The following WDR43 variants were observed in gnomAD, a reference collection of about 807,000 sequenced individuals.
WDR43 encodes the protein WD repeat domain 43, also known as WD repeat-containing protein 43.
In WDR43, 13 loss-of-function variants were observed where a neutral mutation model predicts 91.4. The observed-to-expected ratio is 0.14, with a 90% CI of 0.09 to 0.23. The LOEUF (loss-of-function observed/expected upper bound fraction) is 0.23. Among genes scored for constraint, WDR43 ranks in the 10% least tolerant of loss-of-function variants. WDR43 has a pLI of 1.00. For synonymous variants in WDR43, 331 were observed against 287.9 expected (o/e 1.15, Z -1.51); for missense variants, 780 against 809.4 (o/e 0.96, Z 0.44).
intron 16 of WDR43, among the ~76,000 whole-genome samples, chr2:28,942,587 G>A (rs1424674162): frequency 6.6e-6 from 1 of 151,608 alleles, no homozygotes; most frequent in East Asian, 1.9e-4. Context: ...ACAAAAAAGG[G>A]CATTAGTTAT....
intron 7 of WDR43, among the ~76,000 whole-genome samples, chr2:28,924,115 G>A (rs1456662659): frequency 6.6e-6 from 1 of 152,184 alleles, no homozygotes; most frequent in Non-Finnish European, 1.5e-5. Context: ...GTAATAAGAT[G>A]CGTAGGGTGT....
chr2:28,898,060 A>G (rs1670513510), intron 1 of WDR43, among the ~76,000 whole-genome samples: 2 of 152,216 alleles, frequency 1.3e-5, no homozygotes, highest in African/African-American at 4.8e-5. Context: ...TACCAAAGCC[A>G]CATAGTAAAG....
intron 16 of WDR43, among the ~76,000 whole-genome samples, chr2:28,943,537 C>T (rs1029314700): frequency 3.3e-5 from 5 of 152,114 alleles, no homozygotes; most frequent in African/African-American, 9.7e-5. Context: ...TTAGATCATC[C>T]TCAAATACCC....
chr2:28,907,647 T>G (rs983649186), intron 3 of WDR43, among the ~76,000 whole-genome samples: 2 of 151,344 alleles, frequency 1.3e-5, no homozygotes, highest in Non-Finnish European at 2.9e-5. Context: ...GGCTCACGCC[T>G]GTAATCCCAG....
intron 3 of WDR43, among the ~76,000 whole-genome samples, chr2:28,908,474 G>A (rs1670726708): frequency 6.6e-6 from 1 of 152,140 alleles, no homozygotes; most frequent in South Asian, 2.1e-4. Flanking sequence ...AGTAGGTCTG[G>A]GGTAGGGCCT....
In WDR43 at chr2:28,909,128, G is replaced by T. The variant is rs191417235; in HGVS notation, c.485+2547G>T. On this transcript the variant is annotated intron_variant, in intron 3 of 17. Transcript: ENST00000407426. The stretch of plus-strand genomic sequence containing the variant: ...TTCTGCTGAATGATGATTATCCCGA[G>T]ATTTTTTTTCTTTTCTTTCTTTTTC... Among the ~76,000 whole-genome samples the T allele has an allele frequency of 2.0e-5, 3 of 152,038 alleles. No homozygotes were observed. The East Asian group carries it at 5.8e-4, about 29-fold the overall frequency.
intron 3 of WDR43, among the ~76,000 whole-genome samples, chr2:28,908,517 G>A (rs1670727348): frequency 6.6e-6 from 1 of 152,164 alleles, no homozygotes; most frequent in South Asian, 2.1e-4. Flanking sequence ...AGGTCACAAA[G>A]ATAGGTCCTT....
intron 1 of WDR43, 177 bp downstream of exon 1, chr2:28,895,100 G>T: frequency 1.8e-6 from 1 of 548,486 alleles, no homozygotes; most frequent in Non-Finnish European, 2.7e-6. Context: ...GCGGCCTGCC[G>T]CGAGGGCAGT....
chr2:28,926,710 A>G (rs1282315109), intron 9 of WDR43, among the ~76,000 whole-genome samples, 156 bp downstream of exon 9: 1 of 152,108 alleles, frequency 6.6e-6, no homozygotes, highest in East Asian at 1.9e-4. Flanking sequence ...TTTAGATGTC[A>G]AGATTGTACT....
rs1413688453 is a variant in WDR43 at position 28,917,531 on chromosome 2, A to G, written c.747-362A>G. On this transcript the variant is annotated intron_variant, in intron 5 of 17. Coordinates refer to ENST00000407426, the MANE Select transcript of WDR43 (RefSeq NM_015131.3). ...AATAGGCAAAATCATTTTGAAAAAG[A>G]AGAAAATCATTGGAAGACTAAGATT... Among the ~76,000 whole-genome samples, 5 of 152,348 alleles carry G rather than the reference A, an allele frequency of 3.3e-5. No homozygotes were observed. The East Asian group carries it at 7.7e-4, about 23-fold the overall frequency.
intron 11 of WDR43, 62 bp downstream of exon 11, chr2:28,929,772 C>T (rs1357967209): frequency 6.6e-7 from 1 of 1,515,910 alleles, no homozygotes; most frequent in African/African-American, 1.4e-5. Context: ...AAATGATTGA[C>T]ATAGCACATT....
Position 28,937,047 on chromosome 2 carries a change from A to C in WDR43, c.1556+94A>C, listed in dbSNP as rs1329145410. ...GATTTCTAACTAATAAAACTCTTTC[A>C]GTGTCAAATATTAACCCCTCGCCAC... On this transcript the variant is annotated intron_variant, in intron 13 of 17. Transcript: ENST00000407426. 4 of 1,239,782 alleles carry C rather than the reference A, an allele frequency of 3.2e-6. No individual in the cohort carries two copies. The East Asian group carries it at 1.0e-4, about 32-fold the overall frequency. The allele number at this position is 1,239,782 out of a possible 1,614,324, so 76.8% of individuals were successfully genotyped here.
Position 28,927,626 on chromosome 2 carries a change from C to T in WDR43, c.1231C>T (p.His411Tyr). 1 of 1,613,802 alleles carries T rather than the reference C, an allele frequency of 6.2e-7. No homozygotes were observed. The highest frequency in any genetic ancestry group is 8.5e-7 in the Non-Finnish European group (1 of 1,179,852). The change falls in exon 10 of 18, where the codon CAT becomes TAT. Residue 411 changes from histidine (H) to tyrosine (Y), a missense_variant. Transcript: ENST00000407426. ...AGTTCTGGTGCCTGGGATTCCTGGTCATCATGCAGCTATCAAGCCCGCTCC... is the reference window on the plus strand; with the variant it reads ...AGTTCTGGTGCCTGGGATTCCTGGTTATCATGCAGCTATCAAGCCCGCTCC... ...AKVLVPGIPG[H>Y]HAAIKPAPPQ...
At position 28,916,599 on chromosome 2, in the gene WDR43, C is replaced by T. The variant is rs545498088; in HGVS notation, c.747-1294C>T. Among the ~76,000 whole-genome samples, 470 of 152,028 alleles carry T rather than the reference C, an allele frequency of 3.1e-3. 1 individual carries two copies. Among genetic ancestry groups the T allele is most frequent in the African/African-American group, 0.01 (432 of 41,498 alleles). ...CTGACTTGGTTTTGCATATACCTCT[C>T]CCCCTATAACCCCGAACACCTACAC... On this transcript the variant is annotated intron_variant, in intron 5 of 17. Transcript: ENST00000407426.
At chr2:28,940,182 A>G (rs959649797) in intron 14 of WDR43, among the ~76,000 whole-genome samples, 1 of 150,380 alleles carries the variant, frequency 6.6e-6, no homozygotes, top group African/African-American at 2.4e-5. Context: ...AGAATATCAG[A>G]ATATCACGGG....
intron 2 of WDR43, among the ~76,000 whole-genome samples, chr2:28,904,693 G>C (rs1429178540): frequency 2.0e-5 from 3 of 152,176 alleles, no homozygotes; most frequent in African/African-American, 4.8e-5. Flanking sequence ...AGTTACTTGC[G>C]TGTATATAAG....
chr2:28,902,939 G>A (rs12998650), intron 2 of WDR43, among the ~76,000 whole-genome samples: 22,532 of 152,080 alleles, frequency 0.15, 2,281 homozygotes, highest in Non-Finnish European at 0.22. Flanking sequence ...TAAGTTTTTT[G>A]TTTTAAATAA....
intron 3 of WDR43, among the ~76,000 whole-genome samples, chr2:28,909,495 T>G (rs1670749225): frequency 1.3e-5 from 2 of 152,144 alleles, no homozygotes; most frequent in African/African-American, 4.8e-5. Context: ...ATTTGTTTGA[T>G]TTGGCCTCTT....
At chr2:28,909,690 TAGTG>T (rs1460327428) in intron 3 of WDR43, among the ~76,000 whole-genome samples, 4 of 152,016 alleles carry the variant, frequency 2.6e-5, no homozygotes, top group East Asian at 1.9e-4. Flanking sequence ...CTGGGAAACA[TAGTG>T]AGAACCCCCT....
Sources: allele counts gnomAD v4.1 joint callset (sites outside exome capture counted in the v4.1 genomes callset), GRCh38; gene constraint gnomAD v4.1.1; transcripts MANE v1.5; gene names NCBI Gene and HGNC (gene_info 2026-07-23, HGNC 2026-07-21).